TAFA1: variants seen among roughly 807,000 people sequenced by gnomAD.
TAFA1 encodes the protein chemokine-like protein TAFA-1.
Under a neutral mutation model 18.5 loss-of-function variants are expected in TAFA1, and 4 were observed. The ratio of observed to expected loss-of-function variants is 0.22; its 90% confidence interval spans 0.11 to 0.49. The LOEUF (loss-of-function observed/expected upper bound fraction) is 0.49, where lower values mean the gene tolerates loss of function less well. Among genes scored for constraint, TAFA1 ranks in the 20% least tolerant of loss-of-function variants. The probability of loss-of-function intolerance (pLI) is 0.98; values close to 1 mark genes in which losing one functional copy is unlikely to be tolerated. For synonymous variants in TAFA1, 56 were observed against 55.2 expected (o/e 1.01, Z -0.06); for missense variants, 147 against 169.0 (o/e 0.87, Z 0.72).
chr3:68,157,304 TAAATC>T (rs2065877509), intron 2 of TAFA1, among the ~76,000 whole-genome samples: 1 of 152,180 alleles, frequency 6.6e-6, no homozygotes, highest in African/African-American at 2.4e-5. Flanking sequence ...TTCATGATCT[TAAATC>T]AGAAAGCAGA....
chr3:68,541,476 C>T (rs192702795), intron 4 of TAFA1, among the ~76,000 whole-genome samples: 1 of 152,214 alleles, frequency 6.6e-6, no homozygotes, highest in Non-Finnish European at 1.5e-5. Context: ...TATGCTTACT[C>T]ACTTCAAATA....
intron 2 of TAFA1, among the ~76,000 whole-genome samples, chr3:68,275,180 A>G (rs539227322): frequency 6.6e-6 from 1 of 152,186 alleles, no homozygotes; most frequent in Non-Finnish European, 1.5e-5. Context: ...TGAACTAGAA[A>G]GCAAGAGTCC....
At chr3:68,520,083 G>C (rs1679489371) in intron 3 of TAFA1, among the ~76,000 whole-genome samples, 1 of 152,126 alleles carries the variant, frequency 6.6e-6, no homozygotes, top group African/African-American at 2.4e-5. Flanking sequence ...TGTTGCACTG[G>C]TGATTGTTTT....
chr3:68,251,523 A>C (rs980948966), intron 2 of TAFA1, among the ~76,000 whole-genome samples: 3 of 152,206 alleles, frequency 2.0e-5, no homozygotes, highest in Non-Finnish European at 4.4e-5. Context: ...TTTGCATTTC[A>C]GTGGAGGAGA....
At chr3:68,523,793 A>G (rs191699514) in intron 3 of TAFA1, among the ~76,000 whole-genome samples, 14 of 152,264 alleles carry the variant, frequency 9.2e-5, no homozygotes, top group African/African-American at 3.1e-4. Flanking sequence ...AGTAAATCCA[A>G]GGGCAAAATG....
chr3:68,123,675 A>G (rs987631691), intron 2 of TAFA1, among the ~76,000 whole-genome samples: 4 of 152,252 alleles, frequency 2.6e-5, no homozygotes, highest in South Asian at 4.1e-4. Flanking sequence ...AGTTGCCTTT[A>G]GTAACCAACT....
chr3:68,494,433 T>C (rs1340819703), intron 3 of TAFA1, among the ~76,000 whole-genome samples: 8 of 152,350 alleles, frequency 5.3e-5, no homozygotes, highest in Non-Finnish European at 2.9e-5. Context: ...CTCTGTAGGA[T>C]AACCCAGATG....
rs116187822 is a variant in TAFA1 at position 68,504,439 on chromosome 3, C to G, written c.260-34317C>G. On this transcript the variant is annotated intron_variant, in intron 3 of 4. Coordinates refer to ENST00000478136, the MANE Select transcript of TAFA1 (RefSeq NM_213609.4). ...GGCATGCATTCCTGGAGCATCTTAA[C>G]TAGGGCTGATACCATGATCCAAGCA... 3.5e-3 allele frequency among the ~76,000 whole-genome samples: 539 copies of G among 152,298 alleles called. 2 individuals carry two copies. The highest frequency in any genetic ancestry group is 0.012 in the African/African-American group (495 of 41,576).
chr3:68,495,326 G>A (rs1420947625), intron 3 of TAFA1, among the ~76,000 whole-genome samples: 6 of 152,200 alleles, frequency 3.9e-5, no homozygotes, highest in African/African-American at 2.4e-5. Flanking sequence ...AAATCTGAAG[G>A]TTAGGTAAAA....
At chr3:68,064,542 C>T (rs1167215888) in intron 2 of TAFA1, among the ~76,000 whole-genome samples, 1 of 152,178 alleles carries the variant, frequency 6.6e-6, no homozygotes, top group Non-Finnish European at 1.5e-5. Flanking sequence ...TGCTCTTAAA[C>T]TTAGAAATGC....
intron 2 of TAFA1, among the ~76,000 whole-genome samples, chr3:68,208,150 T>A (rs1338188968): frequency 6.6e-6 from 1 of 151,996 alleles, no homozygotes; most frequent in Non-Finnish European, 1.5e-5. Context: ...CACTGCTGTA[T>A]GAAGGATATG....
intron 3 of TAFA1, among the ~76,000 whole-genome samples, chr3:68,464,100 T>C (rs2071836491): frequency 6.6e-6 from 1 of 152,172 alleles, no homozygotes; most frequent in Admixed American, 6.6e-5. Context: ...CCATTGTCTT[T>C]AGCCAAGCAG....
intron 2 of TAFA1, among the ~76,000 whole-genome samples, chr3:68,076,487 G>C (rs9867171): frequency 7.4e-6 from 1 of 134,810 alleles, no homozygotes; most frequent in South Asian, 2.6e-4. Context: ...TCCCCAGAGT[G>C]TGATATTCCC....
intron 2 of TAFA1, among the ~76,000 whole-genome samples, chr3:68,249,972 A>T (rs1252662090): frequency 6.6e-6 from 1 of 152,142 alleles, no homozygotes; most frequent in Non-Finnish European, 1.5e-5. Context: ...AACAATGAAA[A>T]ATGGCTCTAG....
intron 2 of TAFA1, among the ~76,000 whole-genome samples, chr3:68,330,048 G>A (rs2068839337): frequency 6.6e-6 from 1 of 152,054 alleles, no homozygotes; most frequent in African/African-American, 2.4e-5. Flanking sequence ...TGGGTCCAGG[G>A]GCTCAGAGAA....
rs557038944 is a variant in TAFA1, at chr3:68,217,096, A to T, written c.119-200184A>T. ...GGATGGAAAAGTGAGTGAGGGGAAG[A>T]ATAACTTTCCAATAGAGAAACCTGG... On this transcript the variant is annotated intron_variant, in intron 2 of 4. Transcript: ENST00000478136. Among the ~76,000 whole-genome samples, 177 of 152,068 alleles carry T rather than the reference A, an allele frequency of 1.2e-3. 1 individual carries two copies. The highest frequency in any genetic ancestry group is 2.2e-3 in the Non-Finnish European group (147 of 67,994).
intron 2 of TAFA1, among the ~76,000 whole-genome samples, chr3:68,377,714 T>C (rs1392594163): frequency 6.6e-6 from 1 of 152,090 alleles, no homozygotes; most frequent in Non-Finnish European, 1.5e-5. Flanking sequence ...TCACAGGCCT[T>C]GCAGCCTAAA....
At chr3:68,111,761 C>A in intron 2 of TAFA1, among the ~76,000 whole-genome samples, 1 of 135,312 alleles carries the variant, frequency 7.4e-6, no homozygotes, top group African/African-American at 2.8e-5. Context: ...AATAAATAAT[C>A]CATGACACAC....
intron 3 of TAFA1, among the ~76,000 whole-genome samples, chr3:68,531,375 T>A (rs2073186274): frequency 6.7e-6 from 1 of 149,434 alleles, no homozygotes; most frequent in Non-Finnish European, 1.5e-5. Flanking sequence ...TAAAGCACAC[T>A]TGAAAGAGGG....
Sources: allele counts gnomAD v4.1 joint callset (sites outside exome capture counted in the v4.1 genomes callset), GRCh38; gene constraint gnomAD v4.1.1; transcripts MANE v1.5; gene names NCBI Gene and HGNC (gene_info 2026-07-23, HGNC 2026-07-21).